Variants in CCDC141 observed in about 807,000 individuals in gnomAD.
The protein encoded by CCDC141 is coiled-coil domain-containing protein 141.
A neutral mutation model predicts 181.0 loss-of-function variants in CCDC141; 168 were observed. That is an observed-to-expected ratio of 0.93 (90% CI 0.82 to 1.05). The LOEUF (loss-of-function observed/expected upper bound fraction) is 1.05, where lower values mean the gene tolerates loss of function less well. Among genes scored for constraint, CCDC141 ranks in the 50% least tolerant of loss-of-function variants. CCDC141 has a pLI of 0.00. For synonymous variants in CCDC141, 666 were observed against 642.3 expected, an observed-to-expected ratio of 1.04 and a Z score of -0.56; for missense variants, 1,902 against 1,788.5, an observed-to-expected ratio of 1.06 and a Z score of -1.14.
At position 178,978,683 on chromosome 2, in the gene CCDC141, C is replaced by G; in HGVS notation, c.226-8G>C. 1 of 1,512,042 alleles carries G rather than the reference C, an allele frequency of 6.6e-7. No individual in the cohort carries two copies. The highest frequency in any genetic ancestry group is 8.9e-7 in the Non-Finnish European group (1 of 1,129,626). The allele number at this position is 1,512,042 out of a possible 1,614,324, so 93.7% of individuals were successfully genotyped here. The stretch of plus-strand genomic sequence containing the variant: ...TACCCGATCTTCCAAAGCCTAAGTA[C>G]AAAAGAAAAAGGCATAAGGCAGGGT... On this transcript the variant is annotated splice_region_variant and splice_polypyrimidine_tract_variant and intron_variant, in intron 2 of 23. Coordinates refer to ENST00000443758, the MANE Select transcript of CCDC141 (RefSeq NM_173648.4).
intron 2 of CCDC141, among the ~76,000 whole-genome samples, chr2:179,011,157 C>T (rs1448971072): frequency 7.1e-6 from 1 of 141,342 alleles, no homozygotes; most frequent in Non-Finnish European, 1.5e-5. Context: ...GACTCTGTCT[C>T]AAAAAAAAAA....
intron 14 of CCDC141, among the ~76,000 whole-genome samples, chr2:178,869,851 G>A: frequency 6.6e-6 from 1 of 152,154 alleles, no homozygotes; most frequent in East Asian, 1.9e-4. Flanking sequence ...ATGTAGGGAG[G>A]GATAAACTGC....
intron 3 of CCDC141, among the ~76,000 whole-genome samples, chr2:178,976,163 T>C (rs1054084506): frequency 1.3e-5 from 2 of 152,190 alleles, no homozygotes; most frequent in African/African-American, 2.4e-5. Context: ...ATGTCTATAG[T>C]GGTAGACAAA....
At chr2:178,964,804 T>G (rs7574599) in intron 4 of CCDC141, among the ~76,000 whole-genome samples, 1 of 152,032 alleles carries the variant, frequency 6.6e-6, no homozygotes, top group East Asian at 1.9e-4. Flanking sequence ...TTCAAGAACA[T>G]CTTTACAGTC....
chr2:178,821,927 A>T, the CCDC141 span, among the ~76,000 whole-genome samples: 5 of 152,170 alleles, frequency 3.3e-5, no homozygotes, highest in African/African-American at 7.2e-5. Context: ...AAAGGACTAT[A>T]AATCATGCTG....
intron 22 of CCDC141, among the ~76,000 whole-genome samples, chr2:178,839,692 C>A (rs1171225769): frequency 1.3e-5 from 2 of 150,748 alleles, no homozygotes; most frequent in Non-Finnish European, 2.9e-5. Flanking sequence ...GAAACATTAA[C>A]CCAACTTAGC....
chr2:178,865,115 G>C (rs1685787390), intron 17 of CCDC141, among the ~76,000 whole-genome samples: 1 of 152,170 alleles, frequency 6.6e-6, no homozygotes, highest in African/African-American at 2.4e-5. Context: ...TTACAGTTGA[G>C]GGGGAGGAGA....
chr2:178,897,986 A>G (rs1687492604), intron 8 of CCDC141, among the ~76,000 whole-genome samples: 1 of 152,122 alleles, frequency 6.6e-6, no homozygotes, highest in Non-Finnish European at 1.5e-5. Flanking sequence ...AGAGATGAGG[A>G]AGGCTGGAAG....
intron 12 of CCDC141, chr2:178,876,061 G>A (rs1185220755): frequency 1.3e-5 from 2 of 152,112 alleles, no homozygotes; most frequent in Non-Finnish European, 2.9e-5. Context: ...TTGAATAAAT[G>A]AGAATCAGCT....
chr2:179,036,382 G>A (rs956767749), intron 2 of CCDC141, among the ~76,000 whole-genome samples: 29 of 152,140 alleles, frequency 1.9e-4, no homozygotes, highest in Admixed American at 7.2e-4. Context: ...AATGGACACC[G>A]TAGACTCTCT....
intron 6 of CCDC141, among the ~76,000 whole-genome samples, chr2:178,942,130 T>C (rs1160347435): frequency 6.6e-6 from 1 of 152,122 alleles, no homozygotes; most frequent in East Asian, 1.9e-4. Context: ...CTGCACAAGA[T>C]GCAGAGTAGT....
rs746167999 is a variant in CCDC141 at position 178,856,333 on chromosome 2, T to G, written c.2789A>C (p.Lys930Thr). The G allele has an allele frequency of 6.2e-6, 10 of 1,611,290 alleles. No individual in the cohort carries two copies. Among genetic ancestry groups the G allele is most frequent in the Middle Eastern group, 1.7e-4 (1 of 6,024 alleles). Residue 930 changes from lysine to threonine, a missense_variant, in exon 18 of 24, where the codon AAA becomes ACA. Physicochemically the swap from Lys to Thr is moderately conservative, Grantham distance 78. Transcript: ENST00000443758. ...CTTCAGATTCCGAGATTTTTCATTT[T>G]TCTTAGTGTAATTAAACTTCAAATT... ...FNNLKFNYTK[K>T]NEKSRNLKAL...
intron 22 of CCDC141, among the ~76,000 whole-genome samples, chr2:178,845,123 T>C (rs978497858): frequency 6.6e-6 from 1 of 152,200 alleles, no homozygotes; most frequent in Non-Finnish European, 1.5e-5. Flanking sequence ...CTGGATTCTA[T>C]GGTTTGATAA....
intron 19 of CCDC141, 91 bp from the exon 20 acceptor site, chr2:178,853,715 C>G: frequency 9.3e-7 from 1 of 1,071,372 alleles, no homozygotes; most frequent in Non-Finnish European, 1.3e-6. Flanking sequence ...ATTTTAATTC[C>G]CTCAACTTAA....
chr2:178,877,620 GC>G, intron 12 of CCDC141: 1 of 310,662 alleles, frequency 3.2e-6, no homozygotes, highest in Non-Finnish European at 5.8e-6. Flanking sequence ...GTTGTCTTTA[GC>G]CCCTAGAAAT....
intron 2 of CCDC141, among the ~76,000 whole-genome samples, chr2:179,012,338 A>G (rs2042293340): frequency 6.6e-6 from 1 of 152,170 alleles, no homozygotes; most frequent in Non-Finnish European, 1.5e-5. Context: ...CAAGGCTACT[A>G]TGAACACTTT....
At chr2:178,981,636 G>GTGTGTATATATATATATATATA (rs1313433628) in intron 2 of CCDC141, among the ~76,000 whole-genome samples, 3 of 62,396 alleles carry the variant, frequency 4.8e-5, no homozygotes, top group Non-Finnish European at 6.4e-5. Context: ...GTGTGTGTGT[G>GTGTGTATATATATATATATATA]TATATATATA....
chr2:179,009,770 A>G (rs975196157), intron 2 of CCDC141, among the ~76,000 whole-genome samples: 2 of 152,142 alleles, frequency 1.3e-5, no homozygotes, highest in Non-Finnish European at 2.9e-5. Flanking sequence ...AAATCACATT[A>G]GTTCACCAGC....
intron 2 of CCDC141, among the ~76,000 whole-genome samples, chr2:179,037,268 A>T (rs1293474859): frequency 6.6e-6 from 1 of 152,216 alleles, no homozygotes; most frequent in Non-Finnish European, 1.5e-5. Context: ...ATATAAGTGG[A>T]AACATCTTCC....
Sources: gnomAD v4.1 joint callset for allele counts (sites outside exome capture counted in the v4.1 genomes callset) on GRCh38, gnomAD v4.1.1 for gene constraint, MANE v1.5 for transcripts, NCBI Gene and HGNC (gene_info 2026-07-23, HGNC 2026-07-21) for gene names.